Variants in CHRNA7 observed in about 807,000 individuals in gnomAD.
The protein encoded by CHRNA7 is neuronal acetylcholine receptor subunit alpha-7.
CHRNA7 carries 17 observed loss-of-function variants against 48.0 expected under a neutral mutation model. The observed-to-expected ratio is 0.35, with a 90% CI of 0.24 to 0.53. CHRNA7 has a LOEUF of 0.53. Among genes scored for constraint, CHRNA7 ranks in the 20% least tolerant of loss-of-function variants. CHRNA7 has a pLI of 0.92. For missense variants in CHRNA7, 155 were observed against 577.7 expected (o/e 0.27, Z 7.50); for synonymous variants, 75 against 242.3 (o/e 0.31, Z 6.41).
At chr15:32,150,184 T>C (rs2051594538) in intron 4 of CHRNA7, among the ~76,000 whole-genome samples, 1 of 152,142 alleles carries the variant, frequency 6.6e-6, no homozygotes, top group Non-Finnish European at 1.5e-5. Context: ...CCTGAGTAGC[T>C]GGAAACATAA....
intron 2 of CHRNA7, among the ~76,000 whole-genome samples, chr15:32,052,624 G>A (rs529889234): frequency 6.6e-6 from 1 of 152,304 alleles, no homozygotes; most frequent in South Asian, 2.1e-4. Context: ...AGCTACTCGG[G>A]AGGCTGAGGC....
chr15:32,102,523 TATTAA>T (rs1407613400), intron 3 of CHRNA7: 3 of 152,248 alleles, frequency 2.0e-5, no homozygotes, highest in Non-Finnish European at 4.4e-5. Flanking sequence ...ACACCGTAAG[TATTAA>T]ATTTTGTTTC....
At chr15:32,081,161 A>G (rs898786697) in intron 2 of CHRNA7, among the ~76,000 whole-genome samples, 1 of 152,146 alleles carries the variant, frequency 6.6e-6, no homozygotes, top group Non-Finnish European at 1.5e-5. Context: ...GCAGTGGGAG[A>G]GCATCAGGAA....
At chr15:32,086,363 A>G (rs922487541) in intron 2 of CHRNA7, among the ~76,000 whole-genome samples, 2 of 37,090 alleles carry the variant, frequency 5.4e-5, no homozygotes, top group African/African-American at 2.1e-4. Flanking sequence ...GCGAGACTCC[A>G]TCTCAAAAAA....
intron 2 of CHRNA7, among the ~76,000 whole-genome samples, chr15:32,058,192 C>A (rs989955174): frequency 2.6e-5 from 4 of 152,170 alleles, no homozygotes; most frequent in African/African-American, 9.7e-5. Context: ...TCCTTGCCTC[C>A]TTTCCCTCTG....
At chr15:32,144,707 C>T (rs772526589) in intron 4 of CHRNA7, among the ~76,000 whole-genome samples, 2 of 152,134 alleles carry the variant, frequency 1.3e-5, no homozygotes, top group East Asian at 1.9e-4. Context: ...TTGATCGAAT[C>T]GGCTATTGAA....
rs150681547 is a variant in CHRNA7 at position 32,150,454 on chromosome 15, A to G, written c.351-3453A>G. Among the ~76,000 whole-genome samples, 237 of 152,312 alleles carry G rather than the reference A, an allele frequency of 1.6e-3. 4 individuals carry two copies. Among genetic ancestry groups the G allele is most frequent in the African/African-American group, 5.5e-3 (227 of 41,570 alleles). ...GGTTAGATGCCATGTAATTGGAGGGACAGACTTTAATTTTTTAAAAGCAAT... is the reference window on the plus strand; with the variant it reads ...GGTTAGATGCCATGTAATTGGAGGGGCAGACTTTAATTTTTTAAAAGCAAT... On this transcript the variant is annotated intron_variant, in intron 4 of 9. Coordinates refer to ENST00000306901, the MANE Select transcript of CHRNA7 (RefSeq NM_000746.6).
intron 2 of CHRNA7, among the ~76,000 whole-genome samples, chr15:32,091,806 T>A (rs1315270911): frequency 6.6e-6 from 1 of 152,232 alleles, no homozygotes; most frequent in East Asian, 1.9e-4. Context: ...AATGTTCTTT[T>A]CAATTTCCTC....
At chr15:32,053,260 C>T (rs1268812350) in intron 2 of CHRNA7, among the ~76,000 whole-genome samples, 3 of 152,226 alleles carry the variant, frequency 2.0e-5, no homozygotes, top group Admixed American at 6.5e-5. Context: ...TCAGCTCTCT[C>T]AGAGCTTCTC....
At chr15:32,100,545 C>G (rs561518381) in intron 2 of CHRNA7, 2 of 154,494 alleles carry the variant, frequency 1.3e-5, no homozygotes, top group African/African-American at 4.8e-5. Flanking sequence ...GGTACACTAG[C>G]CAAGCTCCCT....
intron 2 of CHRNA7, among the ~76,000 whole-genome samples, chr15:32,040,058 A>G (rs1174325295): frequency 1.3e-5 from 2 of 152,156 alleles, no homozygotes; most frequent in Non-Finnish European, 2.9e-5. Context: ...TGAAATTTAC[A>G]TAGCTATTCC....
chr15:32,113,894 G>T (rs1313709488), intron 4 of CHRNA7, among the ~76,000 whole-genome samples: 1 of 150,942 alleles, frequency 6.6e-6, no homozygotes, highest in Non-Finnish European at 1.5e-5. Context: ...GCTGGGCATG[G>T]TGACCTGCAC....
intron 4 of CHRNA7, among the ~76,000 whole-genome samples, chr15:32,148,730 A>C (rs2051547715): frequency 1.3e-5 from 2 of 152,190 alleles, no homozygotes; most frequent in Admixed American, 1.3e-4. Context: ...TTTGCTCCCA[A>C]GCCCTCTTTC....
rs369466609 is a variant in CHRNA7 at position 32,138,491 on chromosome 15, G to T, written c.351-15416G>T. On this transcript the variant is annotated intron_variant, in intron 4 of 9. Coordinates refer to ENST00000306901, the MANE Select transcript of CHRNA7 (RefSeq NM_000746.6). Reference sequence around the variant, plus strand: ...CCCCCATCATCAACATCCCCCACCAGGGCCGTACAATTGAAATAGATGAAC... The same window carrying T: ...CCCCCATCATCAACATCCCCCACCATGGCCGTACAATTGAAATAGATGAAC... 4.4e-5 allele frequency among the ~76,000 whole-genome samples: 6 copies of T among 136,246 alleles called. No homozygotes were observed. In the East Asian group the frequency reaches 1.4e-3, roughly 32 times the overall value. 89.4% of individuals were successfully genotyped at this position (136,246 alleles called of 152,430 possible).
chr15:32,032,579 A>ACACAC (rs1283647296), intron 2 of CHRNA7, among the ~76,000 whole-genome samples: 1 of 152,194 alleles, frequency 6.6e-6, no homozygotes, highest in Non-Finnish European at 1.5e-5. Flanking sequence ...AGCAGAGCTA[A>ACACAC]CACACCCCGC....
chr15:32,112,333 T>C (rs980980282), intron 4 of CHRNA7: 2 of 457,812 alleles, frequency 4.4e-6, no homozygotes, highest in East Asian at 6.9e-5. Flanking sequence ...CTGTTGTGCA[T>C]TGGAGAGTTC....
At position 32,116,823 on chromosome 15, in the gene CHRNA7, T is replaced by C. The variant is rs545313377; in HGVS notation, c.350+4924T>C. Among the ~76,000 whole-genome samples, 8 of 152,368 alleles carry C rather than the reference T, an allele frequency of 5.3e-5. No homozygotes were observed. The East Asian group carries it at 9.6e-4, about 18-fold the overall frequency. On this transcript the variant is annotated intron_variant, in intron 4 of 9. Coordinates refer to ENST00000306901, the MANE Select transcript of CHRNA7 (RefSeq NM_000746.6). ...TATTTAAAGATGTTTTTGTTGGCTC[T>C]GAAAGTTTAGAACAGCATGGGGTTT... is the stretch of plus-strand genomic sequence containing the variant.
chr15:32,093,103 T>A (rs2141248656), intron 2 of CHRNA7, among the ~76,000 whole-genome samples: 1 of 152,334 alleles, frequency 6.6e-6, no homozygotes, highest in South Asian at 2.1e-4. Context: ...GGGAGATTTA[T>A]CCTTTCTGTT....
chr15:32,055,160 T>A (rs1252072409), intron 2 of CHRNA7, among the ~76,000 whole-genome samples: 1 of 152,202 alleles, frequency 6.6e-6, no homozygotes, highest in Non-Finnish European at 1.5e-5. Flanking sequence ...GATTTTCATT[T>A]TTTTATTTTC....
Sources: gnomAD v4.1 joint callset for allele counts (sites outside exome capture counted in the v4.1 genomes callset) on GRCh38, gnomAD v4.1.1 for gene constraint, MANE v1.5 for transcripts, NCBI Gene and HGNC (gene_info 2026-07-23, HGNC 2026-07-21) for gene names.